HSPG2: variants seen among roughly 807,000 people sequenced by gnomAD.
The protein encoded by HSPG2 is heparan sulfate proteoglycan 2.
HSPG2 carries 278 observed loss-of-function variants against 526.6 expected under a neutral mutation model. The ratio of observed to expected loss-of-function variants is 0.53; its 90% CI spans 0.48 to 0.58. The LOEUF (loss-of-function observed/expected upper bound fraction) is 0.58, where lower values mean the gene tolerates loss of function less well. Ranked by LOEUF, HSPG2 falls within the 20% of genes least tolerant of loss-of-function variation. HSPG2 has a pLI of 0.00. For missense variants in HSPG2, 5,354 were observed against 6,099.5 expected (o/e 0.88, Z 4.07); for synonymous variants, 2,465 against 2,555.4 (o/e 0.96, Z 1.07).
rs2290498 is a variant in HSPG2, at chr1:21,855,680, C to G, written c.5702-5G>C. The G allele has an allele frequency of 1.3e-6, 2 of 1,578,908 alleles. No homozygotes were observed. On this transcript the variant is annotated splice_polypyrimidine_tract_variant and splice_region_variant and intron_variant, in intron 45 of 96. Transcript: ENST00000374695. ...GGAGCTGGCCGCCGGGGCCCCCTGA[C>G]GAGTAGACGTGGGGTCAGCACCCAC...
chr1:21,831,535 C>G lies in HSPG2; in HGVS notation c.11380G>C (p.Glu3794Gln), dbSNP rs775485358. 2 of 1,613,930 alleles carry G rather than the reference C, an allele frequency of 1.2e-6. No homozygotes were observed. Among genetic ancestry groups the G allele is most frequent in the African/African-American group, 2.7e-5 (2 of 74,896 alleles). ...QGKFQGLDLN[E>Q]ELYLGGYPDY... ...GGATAGCCACCCAGGTAGAGTTCCT[C>G]GTTCAGATCCAGGCCCTGGAACTTG... The change falls in exon 83 of 97, where the codon GAG becomes CAG. Residue 3794 changes from glutamate (E) to glutamine (Q), a missense_variant. Transcript: ENST00000374695.
rs763677176 is a variant in HSPG2 at position 21,829,095 on chromosome 1, G to A, written c.11993-16C>T. The A allele has an allele frequency of 9.8e-6, 15 of 1,531,482 alleles. No individual in the cohort carries two copies. In the East Asian group the frequency reaches 3.4e-4, roughly 35 times the overall value. The allele number at this position is 1,531,482 out of a possible 1,614,324, so 94.9% of individuals were successfully genotyped here. ...ACGGCCAGCCCTGGGGAGGATGCCA[G>A]GCAGGGTTGGGCACATGGGGGCACA... On this transcript the variant is annotated splice_polypyrimidine_tract_variant and intron_variant, in intron 87 of 96. Coordinates refer to ENST00000374695, the MANE Select transcript of HSPG2 (RefSeq NM_005529.7).
intron 39 of HSPG2, 102 bp from the exon 40 acceptor site, chr1:21,860,337 G>T: frequency 9.2e-7 from 1 of 1,083,036 alleles, no homozygotes; most frequent in Non-Finnish European, 1.4e-6. Flanking sequence ...CCAATGTCAG[G>T]TGAGGAGGCT....
intron 1 of HSPG2, among the ~76,000 whole-genome samples, chr1:21,928,626 A>G (rs1357811691): frequency 2.0e-5 from 3 of 151,920 alleles, no homozygotes; most frequent in Non-Finnish European, 4.4e-5. Flanking sequence ...TATTTTTAGT[A>G]GAGACGGGGT....
intron 44 of HSPG2, 50 bp from the exon 45 acceptor site, chr1:21,855,962 G>C: frequency 6.3e-7 from 1 of 1,597,720 alleles, no homozygotes. Context: ...AGTGTCGTCT[G>C]ACTCACACAA....
Position 21,886,046 on chromosome 1 carries a change from G to T in HSPG2, c.1079-595C>A, listed in dbSNP as rs1384343010. On this transcript the variant is annotated intron_variant, in intron 9 of 96. Transcript: ENST00000374695. ...GAGAGACACAGACAGGGACAGAGAA[G>T]TCACAGCCATGCAGGAGCGGAAGCC... is the stretch of plus-strand genomic sequence containing the variant. Among the ~76,000 whole-genome samples the T allele has an allele frequency of 2.0e-5, 3 of 152,384 alleles. No homozygotes were observed. In the East Asian group the frequency reaches 5.8e-4, roughly 29 times the overall value.
At chr1:21,913,772 T>C (rs1643791338) in intron 1 of HSPG2, among the ~76,000 whole-genome samples, 1 of 152,242 alleles carries the variant, frequency 6.6e-6, no homozygotes, top group Non-Finnish European at 1.5e-5. Flanking sequence ...AATCCCATCA[T>C]ACGTGGATTC....
intron 14 of HSPG2, 38 bp from the exon 15 acceptor site, chr1:21,880,873 G>A (rs1318039188): frequency 1.3e-6 from 2 of 1,560,072 alleles, no homozygotes; most frequent in Non-Finnish European, 1.7e-6. Flanking sequence ...GCAGCTGTGG[G>A]CACACTTGAC....
Position 21,839,414 on chromosome 1 carries a change from G to T in HSPG2, c.9846C>A (p.Ser3282Arg). The T allele has an allele frequency of 6.2e-7, 1 of 1,613,928 alleles. No homozygotes were observed. Among genetic ancestry groups the T allele is most frequent in the Non-Finnish European group, 8.5e-7 (1 of 1,179,988 alleles). ...TGGTGGCCTCAGCGTGCCCAGCAGG[G>T]CTAGTGGCATTGCAGATGTACTGGC... ...DSGQYICNAT[S>R]PAGHAEATII... The change falls in exon 73 of 97, where the codon AGC becomes AGA. Residue 3282 changes from serine to arginine, a missense_variant. Ser to Arg is a moderately radical substitution (Grantham distance 110). Coordinates refer to ENST00000374695, the MANE Select transcript of HSPG2 (RefSeq NM_005529.7). The surrounding 1 kb of genome is among the most constrained non-coding windows in gnomAD (Gnocchi z 4.5).
In HSPG2 at chr1:21,873,074, C is replaced by G. The variant is rs969288282; in HGVS notation, c.3811G>C (p.Gly1271Arg). Residue 1271 changes from glycine to arginine, a missense_variant, in exon 31 of 97, where the codon GGG becomes CGG. Gly to Arg is a moderately radical substitution (Grantham distance 125). Transcript: ENST00000374695. The stretch of plus-strand genomic sequence containing the variant: ...GGGTCACAGTTGCAGCCTATGGGCC[C>G]TGGCACCTGGCTGTCTCCTGAGGTG... ...QPCQRDSQVP[G>R]PIGCNCDPQG... The G allele has an allele frequency of 2.5e-6, 4 of 1,601,316 alleles. No homozygotes were observed. The African/African-American group carries it at 4.0e-5, about 16-fold the overall frequency.
intron 9 of HSPG2, among the ~76,000 whole-genome samples, chr1:21,886,108 G>A (rs1641877726): frequency 6.6e-6 from 1 of 152,250 alleles, no homozygotes; most frequent in African/African-American, 2.4e-5. Context: ...GAGACCAGGA[G>A]GTAGCCGTGG....
intron 52 of HSPG2, among the ~76,000 whole-genome samples, chr1:21,852,465 G>A (rs878958118): frequency 6.6e-6 from 1 of 152,262 alleles, no homozygotes; most frequent in South Asian, 2.1e-4. Context: ...GGGCAGAGAT[G>A]AGTTGGAGAG....
chr1:21,864,793 CT>C lies in HSPG2; in HGVS notation c.4626+49del, dbSNP rs1301891513. 1 of 1,488,722 alleles carries C rather than the reference CT, an allele frequency of 6.7e-7. No individual in the cohort carries two copies. The highest frequency in any genetic ancestry group is 9.2e-7 in the Non-Finnish European group (1 of 1,081,838). The allele number at this position is 1,488,722 out of a possible 1,614,324, so 92.2% of individuals were successfully genotyped here. On this transcript the variant is annotated intron_variant, in intron 36 of 96. Coordinates refer to ENST00000374695, the MANE Select transcript of HSPG2 (RefSeq NM_005529.7). This position sits in a 1 kb window ranked among gnomAD's most constrained non-coding sequence, Gnocchi z 4.8. ...GCGGCGACGCCGGCTGATTTGCTTG[CT>C]GATGCCTCTGTGCCTGTGCAGAGGT... is the stretch of plus-strand genomic sequence containing the variant.
In HSPG2 at chr1:21,850,441, C is replaced by G; in HGVS notation, c.7216G>C (p.Val2406Leu). ...QASPADSGEY[V>L]CRVLGSSVPL... is the part of the protein sequence containing the mutation. ...ACGGAGCTGCCCAACACTCGGCACACGTACTCGCCCGAGTCGGCGGGGGAC... is the reference window on the plus strand; with the variant it reads ...ACGGAGCTGCCCAACACTCGGCACAGGTACTCGCCCGAGTCGGCGGGGGAC... Residue 2406 changes from valine to leucine, a missense_variant, in exon 56 of 97, where the codon GTG becomes CTG. Coordinates refer to ENST00000374695, the MANE Select transcript of HSPG2 (RefSeq NM_005529.7). 1 of 1,611,724 alleles carries G rather than the reference C, an allele frequency of 6.2e-7. No homozygotes were observed. Among genetic ancestry groups the G allele is most frequent in the Admixed American group, 1.7e-5 (1 of 59,888 alleles).
chr1:21,932,433 A>G (rs1644372346), intron 1 of HSPG2, among the ~76,000 whole-genome samples: 1 of 152,234 alleles, frequency 6.6e-6, no homozygotes, highest in Admixed American at 6.5e-5. Context: ...GCTAGTAGCT[A>G]CAGCTTAAAA....
chr1:21,895,919 TA>T lies in HSPG2; in HGVS notation c.244+2del. The T allele has an allele frequency of 1.2e-6, 2 of 1,613,870 alleles. No individual in the cohort carries two copies. Among genetic ancestry groups the T allele is most frequent in the Non-Finnish European group, 1.7e-6 (2 of 1,179,832 alleles). On this transcript the variant is annotated splice_donor_variant, in intron 3 of 96. Transcript: ENST00000374695. LOFTEE classifies it high-confidence loss of function. The surrounding 1 kb of genome is among the most constrained non-coding windows in gnomAD (Gnocchi z 4.1). ...GACCTGCAGGAGGCCTGCAGCAACT[TA>T]CCCATCTGGAAGTCCCCGCTGCCCA... is the stretch of plus-strand genomic sequence containing the variant.
At position 21,847,469 on chromosome 1, in the gene HSPG2, C is replaced by T; in HGVS notation, c.8049G>A (p.Leu2683=). 1 of 1,613,752 alleles carries T rather than the reference C, an allele frequency of 6.2e-7. No individual in the cohort carries two copies. Among genetic ancestry groups the T allele is most frequent in the Non-Finnish European group, 8.5e-7 (1 of 1,179,986 alleles). The change falls in exon 62 of 97, where the codon TTG becomes TTA. Residue 2683 remains leucine (L), a synonymous_variant. Transcript: ENST00000374695. The surrounding 1 kb of genome is among the most constrained non-coding windows in gnomAD (Gnocchi z 4.1). The stretch of plus-strand genomic sequence containing the variant: ...CCGAGTCAGCCACAGACATTTGGTG[C>T]AACCGCAGGTGGGAGCCATGGGTCT... The part of the protein sequence containing the change: ...RHQTHGSHLR[L]HQMSVADSGE...
chr1:21,831,583 G>A lies in HSPG2; in HGVS notation c.11353-21C>T, dbSNP rs1475380928. On this transcript the variant is annotated intron_variant, in intron 82 of 96. Transcript: ENST00000374695. ...TTGCCCTGGGGAGGTGGGGAAGTCA[G>A]GAATGGCAACAGAGGCTGGGCAAGG... 5.0e-6 allele frequency: 8 copies of A among 1,614,034 alleles called. No individual in the cohort carries two copies. The East Asian group carries it at 8.9e-5, about 18-fold the overall frequency.
chr1:21,872,998 T>C lies in HSPG2; in HGVS notation c.3887A>G (p.Lys1296Arg). ...GCAGGGACAGGGATTCGGACTGACC[T>C]TGCACTGGCACTGACCAGCAGCATC... ...QCDAAGQCQCKAQVEGLTCSH... is the reference protein window; with the variant it reads ...QCDAAGQCQCRAQVEGLTCSH... The change falls in exon 31 of 97, where the codon AAG becomes AGG. Residue 1296 changes from lysine to arginine, a missense_variant and splice_region_variant. Physicochemically the swap from Lys to Arg is conservative, Grantham distance 26 (BLOSUM62 2). Coordinates refer to ENST00000374695, the MANE Select transcript of HSPG2 (RefSeq NM_005529.7). This position sits in a 1 kb window ranked among gnomAD's most constrained non-coding sequence, Gnocchi z 5.5. 1.2e-6 allele frequency: 2 copies of C among 1,610,972 alleles called. No individual in the cohort carries two copies. The highest frequency in any genetic ancestry group is 8.5e-7 in the Non-Finnish European group (1 of 1,179,506).
Sources: gnomAD v4.1 joint callset for allele counts (sites outside exome capture counted in the v4.1 genomes callset) on GRCh38, gnomAD v4.1.1 for gene constraint, Gnocchi (gnomAD v3.1) non-coding constraint, MANE v1.5 for transcripts, NCBI Gene and HGNC (gene_info 2026-07-23, HGNC 2026-07-21) for gene names.